The following CD33 variants were observed in gnomAD, a reference collection of about 807,000 sequenced individuals.
CD33 encodes the protein CD33 molecule.
CD33 carries 25 observed loss-of-function variants against 31.4 expected under a neutral mutation model. The ratio of observed to expected loss-of-function variants is 0.80; its 90% CI spans 0.58 to 1.11. The LOEUF (loss-of-function observed/expected upper bound fraction) is 1.11. Ranked by LOEUF, CD33 falls within the 50% of genes most tolerant of loss-of-function variation. The pLI is 0.00. For synonymous variants in CD33, 176 were observed against 180.6 expected (o/e 0.97, Z 0.20); for missense variants, 407 against 448.1 (o/e 0.91, Z 0.83).
the CD33 span, among the ~76,000 whole-genome samples, chr19:51,215,581 C>T: frequency 0.42 from 63,407 of 152,020 alleles, 13,856 homozygotes; most frequent in African/African-American, 0.51. Context: ...ACGTCTCACC[C>T]TCCAATATCG....
chr19:51,226,483 G>A, intron 4 of CD33, 127 bp downstream of exon 4: 1 of 756,770 alleles, frequency 1.3e-6, no homozygotes, highest in Non-Finnish European at 2.3e-6. Flanking sequence ...GTAGACATCA[G>A]GCACCTTGGA....
chr19:51,223,553 T>C (rs1220560888), upstream of CD33, among the ~76,000 whole-genome samples: 2 of 152,234 alleles, frequency 1.3e-5, no homozygotes, highest in Non-Finnish European at 2.9e-5. Context: ...GGAAATATTA[T>C]GTCTTTGGGC....
upstream of CD33, among the ~76,000 whole-genome samples, chr19:51,223,086 A>G (rs1980761517): frequency 6.6e-6 from 1 of 152,072 alleles, no homozygotes; most frequent in Non-Finnish European, 1.5e-5. Flanking sequence ...CCGGCCTGGT[A>G]GTATGAGCCT....
At chr19:51,212,046 A>G in the CD33 span, 1 of 856,342 alleles carries the variant, frequency 1.2e-6, no homozygotes, top group Non-Finnish European at 1.9e-6. Flanking sequence ...GACCACGGAG[A>G]GAACCATCCA....
At chr19:51,221,277 A>ACACGATATTTTAC (rs1555739830), upstream of CD33, among the ~76,000 whole-genome samples, 1 of 151,850 alleles carries the variant, frequency 6.6e-6, no homozygotes, top group Non-Finnish European at 1.5e-5. Context: ...GAATGAACTA[A>ACACGATATTTTAC]CACAATATTT....
At chr19:51,214,424 C>T in the CD33 span, among the ~76,000 whole-genome samples, 6 of 150,424 alleles carry the variant, frequency 4.0e-5, no homozygotes, top group Non-Finnish European at 8.9e-5. Context: ...TCTCGAATTT[C>T]TGACCTCGTG....
chr19:51,235,555 T>G, intron 5 of CD33, 40 bp from the exon 6 acceptor site: 1 of 1,593,910 alleles, frequency 6.3e-7, no homozygotes, highest in African/African-American at 1.3e-5. Context: ...CCCCACAGCC[T>G]GAGAAAACCA....
chr19:51,229,422 A>AG (rs1447625560), intron 4 of CD33, among the ~76,000 whole-genome samples: 2 of 152,122 alleles, frequency 1.3e-5, no homozygotes, highest in Non-Finnish European at 2.9e-5. Context: ...AGTTAGGAAG[A>AG]GTTGCCTCCA....
upstream of CD33, among the ~76,000 whole-genome samples, chr19:51,220,159 T>C (rs974885522): frequency 6.6e-6 from 1 of 152,200 alleles, no homozygotes; most frequent in African/African-American, 2.4e-5. Flanking sequence ...TGAGAGATTT[T>C]TTTCTATTGC....
chr19:51,238,048 A>C (rs1333138799), intron 6 of CD33: 1 of 152,260 alleles, frequency 6.6e-6, no homozygotes, highest in Non-Finnish European at 1.5e-5. Flanking sequence ...CTGCTCGATA[A>C]GTGTCTCAGA....
chr19:51,220,546 T>C (rs1980637879), upstream of CD33, among the ~76,000 whole-genome samples: 1 of 152,230 alleles, frequency 6.6e-6, no homozygotes, highest in East Asian at 1.9e-4. Flanking sequence ...TCTGCTTTTC[T>C]CTTATCAGGA....
At position 51,239,645 on chromosome 19, in the gene CD33, C is replaced by A; in HGVS notation, c.1052C>A (p.Ser351Tyr). The change falls in exon 7 of 7, where the codon TCC becomes TAC. Residue 351 changes from serine (S) to tyrosine (Y), a missense_variant. Ser to Tyr is a moderately radical substitution (Grantham distance 144). Coordinates refer to ENST00000262262, the MANE Select transcript of CD33 (RefSeq NM_001772.4). ...CTCAACTTTCATGGGATGAATCCTT[C>A]CAAGGACACCTCCACCGAATACTCA... ...ASLNFHGMNPSKDTSTEYSEV... is the reference protein window; with the variant it reads ...ASLNFHGMNPYKDTSTEYSEV... 1 of 1,613,414 alleles carries A rather than the reference C, an allele frequency of 6.2e-7. No homozygotes were observed. The highest frequency in any genetic ancestry group is 8.5e-7 in the Non-Finnish European group (1 of 1,179,788).
chr19:51,224,419 G>A (rs1032659934), upstream of CD33, among the ~76,000 whole-genome samples: 5 of 152,126 alleles, frequency 3.3e-5, no homozygotes, highest in African/African-American at 1.2e-4. Flanking sequence ...CTCTGTGCCC[G>A]AGCTGTCTTA....
the CD33 span, among the ~76,000 whole-genome samples, chr19:51,219,262 C>T: frequency 6.6e-6 from 1 of 152,016 alleles, no homozygotes; most frequent in African/African-American, 2.4e-5. Flanking sequence ...TAAATATATT[C>T]CTAGGTATTT....
upstream of CD33, among the ~76,000 whole-genome samples, chr19:51,223,173 T>G (rs1304598603): frequency 6.6e-6 from 1 of 152,022 alleles, no homozygotes; most frequent in Non-Finnish European, 1.5e-5. Context: ...TGAACTGTGG[T>G]CAGGCCGGTG....
chr19:51,222,330 G>A (rs892520027), upstream of CD33, among the ~76,000 whole-genome samples: 2 of 152,160 alleles, frequency 1.3e-5, no homozygotes, highest in African/African-American at 2.4e-5. Context: ...TTGGACAACA[G>A]TTTGGCAATT....
At chr19:51,231,734 C>T (rs1455921571) in intron 4 of CD33, among the ~76,000 whole-genome samples, 1 of 150,286 alleles carries the variant, frequency 6.7e-6, no homozygotes, top group Non-Finnish European at 1.5e-5. Context: ...TTGAGCATTT[C>T]TTTTCTTTTT....
intron 4 of CD33, among the ~76,000 whole-genome samples, chr19:51,231,952 T>A (rs943461237): frequency 6.6e-6 from 1 of 151,920 alleles, no homozygotes; most frequent in Non-Finnish European, 1.5e-5. Flanking sequence ...AGAGGTAGGG[T>A]GTTGCCATTT....
chr19:51,226,026 G>A lies in CD33; in HGVS notation c.642G>A (p.Val214=). Residue 214 remains valine, a synonymous_variant, in exon 3 of 7, where the codon GTG becomes GTA. Transcript: ENST00000262262. ...QDHGTNLTCQ[V]KFAGAGVTTE... is the part of the protein sequence containing the mutation. ...ACGGCACCAACCTGACCTGTCAGGT[G>A]AAGTTCGCTGGAGCTGGTGTGACTA... The A allele has an allele frequency of 1.2e-6, 2 of 1,614,104 alleles. No homozygotes were observed. Among genetic ancestry groups the A allele is most frequent in the Non-Finnish European group, 1.7e-6 (2 of 1,179,988 alleles).
Sources: allele counts gnomAD v4.1 joint callset (sites outside exome capture counted in the v4.1 genomes callset), GRCh38; gene constraint gnomAD v4.1.1; transcripts MANE v1.5; gene names NCBI Gene and HGNC (gene_info 2026-07-23, HGNC 2026-07-21).